The following TMEM117 variants were observed in gnomAD, a reference collection of about 807,000 sequenced individuals.
TMEM117 encodes transmembrane protein 117.
TMEM117 carries 27 observed loss-of-function variants against 52.4 expected under a neutral mutation model. That is an observed-to-expected ratio of 0.51 (90% CI 0.38 to 0.71). The LOEUF (loss-of-function observed/expected upper bound fraction) is 0.71. Among genes scored for constraint, TMEM117 ranks in the 30% least tolerant of loss-of-function variants. The probability of loss-of-function intolerance (pLI) is 0.00; values close to 1 mark genes in which losing one functional copy is unlikely to be tolerated. For missense variants in TMEM117, 556 were observed against 630.5 expected (o/e 0.88, Z 1.26); for synonymous variants, 215 against 206.3 (o/e 1.04, Z -0.36).
intron 4 of TMEM117, among the ~76,000 whole-genome samples, chr12:44,192,999 G>A (rs974826334): frequency 2.0e-5 from 3 of 152,128 alleles, no homozygotes; most frequent in Non-Finnish European, 4.4e-5. Flanking sequence ...TGTTGGGAGG[G>A]GAGACACTTC....
chr12:44,326,826 C>T (rs1277437947), intron 6 of TMEM117, among the ~76,000 whole-genome samples: 4 of 152,172 alleles, frequency 2.6e-5, no homozygotes, highest in Non-Finnish European at 4.4e-5. Flanking sequence ...TTCTATGTTT[C>T]TTAAAATTCA....
chr12:44,117,907 A>G (rs1948172236), intron 3 of TMEM117, among the ~76,000 whole-genome samples: 1 of 152,048 alleles, frequency 6.6e-6, no homozygotes, highest in Non-Finnish European at 1.5e-5. Context: ...AGATATATGG[A>G]CTATCAATTG....
chr12:44,091,523 C>T (rs1290831022), intron 3 of TMEM117, among the ~76,000 whole-genome samples: 2 of 152,144 alleles, frequency 1.3e-5, no homozygotes, highest in Admixed American at 6.6e-5. Flanking sequence ...TGTCAAACTT[C>T]AAAGAACAAT....
intron 3 of TMEM117, among the ~76,000 whole-genome samples, chr12:44,011,141 T>G (rs886951894): frequency 6.6e-6 from 1 of 152,158 alleles, no homozygotes; most frequent in Non-Finnish European, 1.5e-5. Flanking sequence ...GAAGAATAAT[T>G]TCAGAGGGTA....
rs1006509450 is a variant in TMEM117 at position 44,058,282 on chromosome 12, G to T, written c.411-85243G>T. Among the ~76,000 whole-genome samples, 5 of 152,184 alleles carry T rather than the reference G, an allele frequency of 3.3e-5. No homozygotes were observed. The South Asian group carries it at 8.3e-4, about 25-fold the overall frequency. ...ATGAAAGCTTACGTATATCACAAGG[G>T]ATAGTCAAATCAGTATGAAAAAGTC... is the stretch of plus-strand genomic sequence containing the variant. On this transcript the variant is annotated intron_variant, in intron 3 of 7. Coordinates refer to ENST00000266534, the MANE Select transcript of TMEM117 (RefSeq NM_032256.3).
intron 5 of TMEM117, among the ~76,000 whole-genome samples, chr12:44,269,423 T>C (rs1182693035): frequency 6.6e-6 from 1 of 152,122 alleles, no homozygotes; most frequent in Non-Finnish European, 1.5e-5. Context: ...CAATCAGTGA[T>C]AGGAAATTTA....
chr12:43,812,080 C>CAAA, the TMEM117 span, among the ~76,000 whole-genome samples: 1 of 143,866 alleles, frequency 7.0e-6, no homozygotes, highest in African/African-American at 2.5e-5. Flanking sequence ...TCACCATCTG[C>CAAA]AAAAAAAAAA....
At chr12:44,069,632 G>C (rs1947271764) in intron 3 of TMEM117, among the ~76,000 whole-genome samples, 1 of 152,158 alleles carries the variant, frequency 6.6e-6, no homozygotes, top group Non-Finnish European at 1.5e-5. Context: ...AGTACCCTGT[G>C]TGAGGTGGGA....
downstream of TMEM117, among the ~76,000 whole-genome samples, chr12:44,391,561 C>T (rs893162007): frequency 1.3e-5 from 2 of 152,124 alleles, no homozygotes; most frequent in Non-Finnish European, 2.9e-5. Context: ...CACAGGCATT[C>T]AGATTTGAAG....
chr12:44,205,093 T>G (rs1949547326), intron 4 of TMEM117, among the ~76,000 whole-genome samples: 1 of 152,066 alleles, frequency 6.6e-6, no homozygotes, highest in South Asian at 2.1e-4. Flanking sequence ...AAATAAACTA[T>G]CAATGGAGTA....
intron 2 of TMEM117, among the ~76,000 whole-genome samples, chr12:43,937,977 A>T (rs2137598088): frequency 6.6e-6 from 1 of 152,228 alleles, no homozygotes; most frequent in Non-Finnish European, 1.5e-5. Context: ...GATTAGCCAG[A>T]CAAGGCTTTA....
intron 3 of TMEM117, among the ~76,000 whole-genome samples, chr12:43,962,191 A>G (rs1191046202): frequency 1.3e-5 from 2 of 152,166 alleles, no homozygotes; most frequent in East Asian, 3.8e-4. Flanking sequence ...TTTTTTTCAT[A>G]GTGGACTTAA....
Position 43,871,908 on chromosome 12 carries a change from G to A in TMEM117, c.277+26980G>A, listed in dbSNP as rs563661717. On this transcript the variant is annotated intron_variant, in intron 2 of 7. Coordinates refer to ENST00000266534, the MANE Select transcript of TMEM117 (RefSeq NM_032256.3). ...ACATATCAGTTGATCAGTTTTCTGG[G>A]TGCTCTCTTACCTTAAATGGTAGAT... Among the ~76,000 whole-genome samples the A allele has an allele frequency of 2.0e-5, 3 of 152,184 alleles. No homozygotes were observed. The East Asian group carries it at 5.8e-4, about 29-fold the overall frequency.
chr12:44,397,788 A>ATTCT, the TMEM117 span, among the ~76,000 whole-genome samples: 2 of 152,206 alleles, frequency 1.3e-5, no homozygotes, highest in Non-Finnish European at 2.9e-5. Context: ...CTGGAAGAGA[A>ATTCT]GCCTGGCACC....
intron 6 of TMEM117, among the ~76,000 whole-genome samples, chr12:44,304,807 G>C (rs1592679508): frequency 6.6e-6 from 1 of 152,182 alleles, no homozygotes; most frequent in East Asian, 1.9e-4. Context: ...TGAACATAAG[G>C]AGTAGCTAGG....
intron 5 of TMEM117, among the ~76,000 whole-genome samples, chr12:44,256,030 A>C (rs1478854661): frequency 2.6e-5 from 4 of 152,006 alleles, no homozygotes; most frequent in African/African-American, 9.7e-5. Flanking sequence ...TAAATTATTT[A>C]TATAAGTCAT....
intron 5 of TMEM117, among the ~76,000 whole-genome samples, chr12:44,284,626 T>G (rs984059548): frequency 1.3e-5 from 2 of 152,208 alleles, no homozygotes. Context: ...TAAAGAGGAA[T>G]GTACCATTAT....
intron 4 of TMEM117, among the ~76,000 whole-genome samples, chr12:44,145,167 T>C (rs1310104020): frequency 6.6e-6 from 1 of 152,002 alleles, no homozygotes; most frequent in Non-Finnish European, 1.5e-5. Flanking sequence ...AAAAAGAAAA[T>C]AAAAAAGAAA....
chr12:44,317,801 G>A lies in TMEM117; in HGVS notation c.768+18062G>A, dbSNP rs143024200. On this transcript the variant is annotated intron_variant, in intron 6 of 7. Coordinates refer to ENST00000266534, the MANE Select transcript of TMEM117 (RefSeq NM_032256.3). ...TATATATTTCAACCTTGTTTACTGG[G>A]AGGTCTCTGATGCTGCAGGCAATGG... Among the ~76,000 whole-genome samples, 450 of 152,308 alleles carry A rather than the reference G, an allele frequency of 3.0e-3. 4 individuals are homozygous for A. The highest frequency in any genetic ancestry group is 0.019 in the East Asian group (99 of 5,176).
Sources: allele counts gnomAD v4.1 joint callset (sites outside exome capture counted in the v4.1 genomes callset), GRCh38; gene constraint gnomAD v4.1.1; transcripts MANE v1.5; gene names NCBI Gene and HGNC (gene_info 2026-07-23, HGNC 2026-07-21).